The following EPHA5 variants were observed in gnomAD, a reference collection of about 807,000 sequenced individuals.
EPHA5 encodes ephrin type-A receptor 5.
EPHA5 carries 60 observed loss-of-function variants against 105.0 expected under a neutral mutation model. The ratio of observed to expected loss-of-function variants is 0.57; its 90% CI spans 0.46 to 0.71. The LOEUF (loss-of-function observed/expected upper bound fraction) is 0.71. Among genes scored for constraint, EPHA5 ranks in the 30% least tolerant of loss-of-function variants. The probability of loss-of-function intolerance (pLI) is 0.00; values close to 1 mark genes in which losing one functional copy is unlikely to be tolerated. For missense variants in EPHA5, 1,218 were observed against 1,274.7 expected (o/e 0.96, Z 0.68); for synonymous variants, 513 against 449.1 (o/e 1.14, Z -1.80).
At chr4:65,394,096 T>C (rs76907717) in intron 8 of EPHA5, among the ~76,000 whole-genome samples, 4,234 of 152,286 alleles carry the variant, frequency 0.028, 87 homozygotes, top group Admixed American at 0.074. Context: ...ACATTTAATT[T>C]GCATGATTTT....
intron 2 of EPHA5, 25 bp downstream of exon 2, chr4:65,643,338 T>C (rs781245790): frequency 2.2e-5 from 35 of 1,588,698 alleles, no homozygotes; most frequent in African/African-American, 2.7e-5. Context: ...AGCTTAAGTT[T>C]TAGAAAAACT....
rs1719731794 is a variant in EPHA5, at chr4:65,322,696, T to C, written c.*1418A>G. 8.9e-6 allele frequency: 2 copies of C among 225,628 alleles called. No individual in the cohort carries two copies. Among genetic ancestry groups the C allele is most frequent in the Non-Finnish European group, 1.8e-5 (2 of 113,324 alleles). 14.0% of individuals were successfully genotyped at this position (225,628 alleles called of 1,614,324 possible). ...CTAATTACATAATACCTTGGATTGG[T>C]TCAATAAAATAAACTCAAAGCCATG... On this transcript the variant is annotated 3_prime_UTR_variant, in exon 17 of 17. Coordinates refer to ENST00000613740, the MANE Select transcript of EPHA5 (RefSeq NM_001281766.3).
At chr4:65,629,500 T>C (rs1213246543) in intron 2 of EPHA5, among the ~76,000 whole-genome samples, 1 of 152,216 alleles carries the variant, frequency 6.6e-6, no homozygotes, top group African/African-American at 2.4e-5. Context: ...ATAAAATTCA[T>C]ATGTATTGTA....
chr4:65,396,425 A>T (rs1249920019), intron 8 of EPHA5, among the ~76,000 whole-genome samples: 2 of 150,438 alleles, frequency 1.3e-5, no homozygotes, highest in African/African-American at 5.0e-5. Context: ...TCAGACCCTG[A>T]CTACCACTGA....
chr4:65,463,579 C>A (rs1297329818), intron 5 of EPHA5, among the ~76,000 whole-genome samples: 2 of 152,012 alleles, frequency 1.3e-5, no homozygotes, highest in African/African-American at 2.4e-5. Context: ...ATAGGGATTC[C>A]AAACCACTCT....
At chr4:65,593,894 G>A (rs1334957095) in intron 3 of EPHA5, among the ~76,000 whole-genome samples, 1 of 152,108 alleles carries the variant, frequency 6.6e-6, no homozygotes, top group Non-Finnish European at 1.5e-5. Context: ...TGGTTACTTT[G>A]TTTCTTATAA....
Position 65,365,922 on chromosome 4 carries a change from A to C in EPHA5, c.1987+10T>G, listed in dbSNP as rs569319262. On this transcript the variant is annotated intron_variant, in intron 10 of 16. Coordinates refer to ENST00000613740, the MANE Select transcript of EPHA5 (RefSeq NM_001281766.3). ...AAAGTTAAAAATGAAAGTCAAACAC[A>C]TTGTCGTACCTGCTCCAATAACTCT... The C allele has an allele frequency of 1.3e-6, 2 of 1,597,196 alleles. No homozygotes were observed. The highest frequency in any genetic ancestry group is 1.7e-6 in the Non-Finnish European group (2 of 1,167,932).
intron 5 of EPHA5, among the ~76,000 whole-genome samples, chr4:65,463,528 A>C (rs1728318543): frequency 6.6e-6 from 1 of 152,168 alleles, no homozygotes; most frequent in Non-Finnish European, 1.5e-5. Context: ...TAAGAGAATA[A>C]ACCCAAAGAT....
Position 65,453,698 on chromosome 4 carries a change from A to G in EPHA5, c.1403-33133T>C, listed in dbSNP as rs28593665. Among the ~76,000 whole-genome samples, 1,119 of 152,300 alleles carry G rather than the reference A, an allele frequency of 7.3e-3. 16 individuals are homozygous for G. Among genetic ancestry groups the G allele is most frequent in the African/African-American group, 0.026 (1,076 of 41,566 alleles). ...CTCCCCCGACCAGTGCTAGTAGTCC[A>G]CTGTGCTTGTGGATAGCCCACCCCA... is the stretch of plus-strand genomic sequence containing the variant. On this transcript the variant is annotated intron_variant, in intron 5 of 16. Transcript: ENST00000613740.
intron 3 of EPHA5, among the ~76,000 whole-genome samples, chr4:65,557,277 A>G (rs1738554003): frequency 1.1e-5 from 1 of 89,644 alleles, no homozygotes; most frequent in African/African-American, 4.3e-5. Context: ...CTTTGTTATT[A>G]ACACTCCATC....
At chr4:65,405,390 G>T (rs1722264479) in intron 7 of EPHA5, among the ~76,000 whole-genome samples, 1 of 152,056 alleles carries the variant, frequency 6.6e-6, no homozygotes, top group Admixed American at 6.6e-5. Context: ...CTTCAAAGTA[G>T]CACTAGTTCA....
intron 3 of EPHA5, among the ~76,000 whole-genome samples, chr4:65,556,528 T>C (rs922265372): frequency 2.6e-5 from 4 of 152,200 alleles, no homozygotes; most frequent in African/African-American, 9.6e-5. Context: ...TTTCTATGAC[T>C]AACAATGTAT....
intron 3 of EPHA5, among the ~76,000 whole-genome samples, chr4:65,510,070 T>C (rs924223945): frequency 6.6e-6 from 1 of 151,070 alleles, no homozygotes; most frequent in Non-Finnish European, 1.5e-5. Context: ...GTTTCACTCT[T>C]GTTGCCCAGG....
chr4:65,514,647 A>C (rs1733928812), intron 3 of EPHA5, among the ~76,000 whole-genome samples: 1 of 152,180 alleles, frequency 6.6e-6, no homozygotes, highest in East Asian at 1.9e-4. Context: ...TACTGAGTTC[A>C]GTGGTTTTCA....
intron 1 of EPHA5, among the ~76,000 whole-genome samples, chr4:65,656,945 G>T (rs1194884950): frequency 3.0e-5 from 2 of 65,582 alleles, no homozygotes; most frequent in East Asian, 3.0e-4. Flanking sequence ...AAATGAAAAC[G>T]TGTGTGTGTT....
intron 1 of EPHA5, among the ~76,000 whole-genome samples, chr4:65,644,270 T>C (rs1747930747): frequency 6.6e-6 from 1 of 151,866 alleles, no homozygotes; most frequent in Middle Eastern, 3.2e-3. Flanking sequence ...TGGTGTTACA[T>C]ACTGTCTCTG....
chr4:65,620,108 G>GTATATATATATATATATATATA lies in EPHA5; in HGVS notation c.247-17805_247-17804insTATATATATATATATATATATA, dbSNP rs34861369. On this transcript the variant is annotated intron_variant, in intron 2 of 16. Transcript: ENST00000613740. ...AGATCTACAGAATATTTGGACTCAG[G>GTATATATATATATATATATATA]TATATATATATATATATATATTAAA... 3.1e-3 allele frequency among the ~76,000 whole-genome samples: 423 copies of GTATATATATATATATATATATA among 137,168 alleles called. 3 individuals are homozygous for GTATATATATATATATATATATA. The highest frequency in any genetic ancestry group is 9.1e-3 in the African/African-American group (336 of 36,960). 90.0% of individuals were successfully genotyped at this position (137,168 alleles called of 152,430 possible).
At chr4:65,664,195 T>A (rs966008994) in intron 1 of EPHA5, among the ~76,000 whole-genome samples, 2 of 151,898 alleles carry the variant, frequency 1.3e-5, no homozygotes, top group African/African-American at 2.4e-5. Context: ...ACTTAAAAAA[T>A]AGATCATTCA....
chr4:65,575,794 T>A (rs1424308258), intron 3 of EPHA5, among the ~76,000 whole-genome samples: 2 of 151,600 alleles, frequency 1.3e-5, no homozygotes, highest in Non-Finnish European at 2.9e-5. Context: ...CTGGTCAACA[T>A]GGTGAAATCC....
Sources: gnomAD v4.1 joint callset for allele counts (sites outside exome capture counted in the v4.1 genomes callset) on GRCh38, gnomAD v4.1.1 for gene constraint, MANE v1.5 for transcripts, NCBI Gene and HGNC (gene_info 2026-07-23, HGNC 2026-07-21) for gene names.